Variants in PPHLN1 observed in about 807,000 individuals in gnomAD.
PPHLN1 encodes the protein periphilin 1, also known as periphilin-1.
A neutral mutation model predicts 51.3 loss-of-function variants in PPHLN1; 29 were observed. The ratio of observed to expected loss-of-function variants is 0.57; its 90% CI spans 0.42 to 0.77. The LOEUF (loss-of-function observed/expected upper bound fraction) is 0.77. Ranked by LOEUF, PPHLN1 falls within the 30% of genes least tolerant of loss-of-function variation. The pLI is 0.00. For synonymous variants in PPHLN1, 147 were observed against 147.8 expected (o/e 0.99, Z 0.04); for missense variants, 436 against 438.4 (o/e 0.99, Z 0.05).
intron 9 of PPHLN1, among the ~76,000 whole-genome samples, chr12:42,420,687 C>T (rs1393814577): frequency 1.0e-5 from 1 of 100,256 alleles, no homozygotes; most frequent in African/African-American, 3.4e-5. Context: ...CTCCCCTCCC[C>T]TCCCCTCCCC....
At chr12:42,435,828 A>G (rs1389961936) in intron 9 of PPHLN1, among the ~76,000 whole-genome samples, 1 of 152,196 alleles carries the variant, frequency 6.6e-6, no homozygotes, top group Non-Finnish European at 1.5e-5. Context: ...CTTAACCATG[A>G]CAACTTTCCC....
chr12:42,329,194 C>T (rs959305372), intron 1 of PPHLN1, among the ~76,000 whole-genome samples: 23 of 151,768 alleles, frequency 1.5e-4, no homozygotes, highest in Non-Finnish European at 2.6e-4. Context: ...CTCCCCCTCC[C>T]GGGTTCATGC....
intron 4 of PPHLN1, among the ~76,000 whole-genome samples, chr12:42,371,049 G>T (rs1040241965): frequency 5.3e-5 from 8 of 150,236 alleles, no homozygotes; most frequent in African/African-American, 7.4e-5. Flanking sequence ...CAAGTGATCC[G>T]CCCTGCCTCG....
chr12:42,349,705 A>G (rs981200939), intron 2 of PPHLN1, among the ~76,000 whole-genome samples: 1 of 152,114 alleles, frequency 6.6e-6, no homozygotes, highest in Non-Finnish European at 1.5e-5. Context: ...CACATGTTTC[A>G]GAGAGCACGG....
chr12:42,371,535 T>A (rs2075805804), intron 4 of PPHLN1, among the ~76,000 whole-genome samples: 1 of 152,236 alleles, frequency 6.6e-6, no homozygotes, highest in African/African-American at 2.4e-5. Flanking sequence ...AAGGTCTTAC[T>A]GTTCTAACTA....
chr12:42,403,859 G>A (rs2079050907), intron 9 of PPHLN1, among the ~76,000 whole-genome samples: 1 of 152,102 alleles, frequency 6.6e-6, no homozygotes, highest in Admixed American at 6.5e-5. Context: ...CTCTCTACCA[G>A]TGTTAGGTAA....
chr12:42,369,026 G>A (rs1381377474), intron 4 of PPHLN1, among the ~76,000 whole-genome samples: 4 of 152,140 alleles, frequency 2.6e-5, no homozygotes, highest in Non-Finnish European at 5.9e-5. Flanking sequence ...CTGGTCAGCT[G>A]TCTGTTTTTG....
chr12:42,431,379 C>G lies in PPHLN1; in HGVS notation c.910-9936C>G, dbSNP rs371838968. 1.2e-4 allele frequency among the ~76,000 whole-genome samples: 19 copies of G among 152,262 alleles called. No individual in the cohort carries two copies. The South Asian group carries it at 2.9e-3, about 23-fold the overall frequency. On this transcript the variant is annotated intron_variant, in intron 9 of 9. Coordinates refer to ENST00000358314, the MANE Select transcript of PPHLN1 (RefSeq NM_201439.2). ...GGGATCCCACCTCACCCACCACCCC[C>G]CATCTGCCATATTTTGAAAAGAAAA...
At chr12:42,395,715 G>A (rs1592697636) in intron 8 of PPHLN1, among the ~76,000 whole-genome samples, 1 of 152,090 alleles carries the variant, frequency 6.6e-6, no homozygotes, top group South Asian at 2.1e-4. Context: ...GCATGTGCGT[G>A]TCTGTTTAAA....
chr12:42,396,223 A>C (rs908279898), intron 8 of PPHLN1, among the ~76,000 whole-genome samples: 1 of 152,216 alleles, frequency 6.6e-6, no homozygotes, highest in African/African-American at 2.4e-5. Context: ...ATAATAAAAG[A>C]GTTTGCATAA....
At chr12:42,377,374 TC>T (rs2076366648) in intron 5 of PPHLN1, among the ~76,000 whole-genome samples, 1 of 149,372 alleles carries the variant, frequency 6.7e-6, no homozygotes, top group African/African-American at 2.5e-5. Context: ...TGGTGTGATC[TC>T]AACTCACTGC....
chr12:42,422,943 GCA>G, intron 9 of PPHLN1, among the ~76,000 whole-genome samples: 1 of 152,238 alleles, frequency 6.6e-6, no homozygotes, highest in African/African-American at 2.4e-5. Flanking sequence ...AAATTTAATA[GCA>G]CTGTGCTTAG....
At chr12:42,444,866 T>C, downstream of PPHLN1, 1 of 583,178 alleles carries the variant, frequency 1.7e-6, no homozygotes, top group East Asian at 2.9e-5. Flanking sequence ...TTTTTACCGA[T>C]GGCTCTCGTA....
intron 9 of PPHLN1, among the ~76,000 whole-genome samples, chr12:42,404,550 C>CAACAACAACAACAACAACA (rs1232357232): frequency 6.6e-6 from 1 of 151,988 alleles, no homozygotes; most frequent in African/African-American, 2.4e-5. Flanking sequence ...ACAACAACAA[C>CAACAACAACAACAACAACA]AAAAATATTT....
At chr12:42,385,073 G>A in intron 6 of PPHLN1, 77 bp downstream of exon 6, 7 of 1,417,006 alleles carry the variant, frequency 4.9e-6, no homozygotes, top group Non-Finnish European at 7.0e-6. Context: ...ATGGAAATGG[G>A]GAAAGTGTAT....
Position 42,398,764 on chromosome 12 carries a change from A to G in PPHLN1, c.769-90A>G, listed in dbSNP as rs1592721649. On this transcript the variant is annotated intron_variant, in intron 8 of 9. Coordinates refer to ENST00000358314, the MANE Select transcript of PPHLN1 (RefSeq NM_201439.2). The stretch of plus-strand genomic sequence containing the variant: ...AAACATGTTAAATCTAGCACTTAAT[A>G]TAATTTGCCAGTTAGTGCCTATACA... 3 of 1,128,636 alleles carry G rather than the reference A, an allele frequency of 2.7e-6. No homozygotes were observed. In the East Asian group the frequency reaches 7.6e-5, roughly 28 times the overall value. The allele number at this position is 1,128,636 out of a possible 1,614,324, so 69.9% of individuals were successfully genotyped here.
downstream of PPHLN1, chr12:42,446,039 C>T (rs910913806): frequency 5.8e-6 from 9 of 1,550,226 alleles, 1 homozygote; most frequent in South Asian, 4.8e-5. Flanking sequence ...CAACCAAGTA[C>T]CAGAAATGAA....
At position 42,441,640 on chromosome 12, in the gene PPHLN1, G is replaced by T; in HGVS notation, c.*131G>T. Reference sequence around the variant, plus strand: ...CTTTATGATAGTTGACAACATTTCAGTATTAAATAAACATCTAAAATAGTC... The same window carrying T: ...CTTTATGATAGTTGACAACATTTCATTATTAAATAAACATCTAAAATAGTC... On this transcript the variant is annotated 3_prime_UTR_variant, in exon 10 of 10. Transcript: ENST00000358314. 1.5e-6 allele frequency: 2 copies of T among 1,312,946 alleles called. No individual in the cohort carries two copies. The highest frequency in any genetic ancestry group is 2.0e-6 in the Non-Finnish European group (2 of 1,018,210). The allele number at this position is 1,312,946 out of a possible 1,614,324, so 81.3% of individuals were successfully genotyped here. A position where few individuals can be genotyped will look rare whatever the true frequency, so the allele number is the denominator to read the frequency against.
chr12:42,447,416 G>C (rs914321797), downstream of PPHLN1: 1 of 152,088 alleles, frequency 6.6e-6, no homozygotes, highest in African/African-American at 2.4e-5. Flanking sequence ...GAAACAAAGC[G>C]AATAGGCAGT....
Sources: gnomAD v4.1 joint callset for allele counts (sites outside exome capture counted in the v4.1 genomes callset) on GRCh38, gnomAD v4.1.1 for gene constraint, MANE v1.5 for transcripts, NCBI Gene and HGNC (gene_info 2026-07-23, HGNC 2026-07-21) for gene names.